RALGAPA1: variants seen among roughly 807,000 people sequenced by gnomAD.
RALGAPA1 encodes ral GTPase-activating protein subunit alpha-1.
RALGAPA1 carries 52 observed loss-of-function variants against 269.6 expected under a neutral mutation model. The observed-to-expected ratio is 0.19, with a 90% CI of 0.15 to 0.24. RALGAPA1 has a LOEUF of 0.24. RALGAPA1 is among the 10% of genes least tolerant of loss of function. The pLI is 1.00. For missense variants in RALGAPA1, 1,917 were observed against 3,013.9 expected (o/e 0.64, Z 8.52); for synonymous variants, 817 against 1,008.3 (o/e 0.81, Z 3.60).
chr14:35,795,137 GA>G (rs558786907), intron 1 of RALGAPA1, among the ~76,000 whole-genome samples: 193 of 152,224 alleles, frequency 1.3e-3, no homozygotes, highest in Non-Finnish European at 2.3e-3. Flanking sequence ...AGTGATTTCT[GA>G]AAGATGGCAA....
intron 1 of RALGAPA1, among the ~76,000 whole-genome samples, chr14:35,777,397 C>T (rs2075118583): frequency 6.6e-6 from 1 of 152,092 alleles, no homozygotes; most frequent in African/African-American, 2.4e-5. Flanking sequence ...GGCAGCGTTA[C>T]CTCTAGGGAG....
chr14:35,745,186 G>A (rs2071934317), intron 10 of RALGAPA1, among the ~76,000 whole-genome samples: 1 of 152,094 alleles, frequency 6.6e-6, no homozygotes, highest in Admixed American at 6.6e-5. Flanking sequence ...AGAACTAACT[G>A]TCAAAGAAAT....
intron 35 of RALGAPA1, among the ~76,000 whole-genome samples, chr14:35,617,463 C>G (rs925731246): frequency 6.6e-6 from 1 of 151,860 alleles, no homozygotes; most frequent in African/African-American, 2.4e-5. Context: ...ACTAAAAATA[C>G]AAAAATTAGC....
intron 36 of RALGAPA1, among the ~76,000 whole-genome samples, chr14:35,596,809 A>G (rs1458901636): frequency 1.3e-5 from 2 of 152,182 alleles, no homozygotes; most frequent in Non-Finnish European, 2.9e-5. Context: ...ACCTTCTCAG[A>G]AAGCAATTTA....
At chr14:35,593,669 G>A (rs2058764549) in intron 37 of RALGAPA1, among the ~76,000 whole-genome samples, 1 of 151,898 alleles carries the variant, frequency 6.6e-6, no homozygotes, top group African/African-American at 2.4e-5. Flanking sequence ...GACCAGCCTG[G>A]GAAACATGGC....
At chr14:35,573,112 A>G (rs1380665032) in intron 37 of RALGAPA1, among the ~76,000 whole-genome samples, 1 of 152,176 alleles carries the variant, frequency 6.6e-6, no homozygotes, top group African/African-American at 2.4e-5. Context: ...TAACGAATTT[A>G]TTTCCAGGTT....
intron 36 of RALGAPA1, among the ~76,000 whole-genome samples, chr14:35,601,756 G>A (rs986873516): frequency 1.3e-5 from 2 of 152,132 alleles, no homozygotes; most frequent in African/African-American, 4.8e-5. Context: ...GTCTTCTTAT[G>A]CTTGTTTTAT....
intron 1 of RALGAPA1, among the ~76,000 whole-genome samples, chr14:35,799,987 G>A (rs895860579): frequency 2.0e-5 from 3 of 152,122 alleles, no homozygotes; most frequent in Non-Finnish European, 4.4e-5. Flanking sequence ...ACTATTACCA[G>A]GGAGAAAGAT....
chr14:35,592,290 A>C (rs1468221301), intron 37 of RALGAPA1, among the ~76,000 whole-genome samples: 1 of 152,198 alleles, frequency 6.6e-6, no homozygotes, highest in African/African-American at 2.4e-5. Flanking sequence ...TTTCTAGAAT[A>C]AAACAGCCTA....
intron 31 of RALGAPA1, among the ~76,000 whole-genome samples, chr14:35,641,824 A>C (rs991845971): frequency 2.6e-5 from 4 of 152,200 alleles, no homozygotes; most frequent in Non-Finnish European, 5.9e-5. Flanking sequence ...AAACTGGAAG[A>C]ATCACATTAT....
rs566267364 is a variant in RALGAPA1 at position 35,724,647 on chromosome 14, C to A, written c.1866+377G>T. Among the ~76,000 whole-genome samples the A allele has an allele frequency of 3.3e-5, 5 of 152,216 alleles. No homozygotes were observed. In the East Asian group the frequency reaches 9.6e-4, roughly 29 times the overall value. The stretch of plus-strand genomic sequence containing the variant: ...AACATAAAAAGACAGTTTTTCCTAG[C>A]AGTCCCAGAGATACGGAAACTCATA... On this transcript the variant is annotated intron_variant, in intron 14 of 41. Transcript: ENST00000680220.
intron 31 of RALGAPA1, among the ~76,000 whole-genome samples, chr14:35,637,056 A>C (rs749522325): frequency 6.6e-6 from 1 of 152,180 alleles, no homozygotes; most frequent in African/African-American, 2.4e-5. Flanking sequence ...GAGTAAAAAG[A>C]AAGGATGTAG....
intron 39 of RALGAPA1, among the ~76,000 whole-genome samples, chr14:35,566,420 T>C (rs2056710147): frequency 6.6e-6 from 1 of 152,062 alleles, no homozygotes; most frequent in Non-Finnish European, 1.5e-5. Context: ...CAATTTATGC[T>C]TTGGAATCTT....
At chr14:35,595,137 G>A (rs2058854626) in intron 37 of RALGAPA1, among the ~76,000 whole-genome samples, 1 of 151,708 alleles carries the variant, frequency 6.6e-6, no homozygotes, top group South Asian at 2.1e-4. Context: ...ATAACACAGT[G>A]GTTACCAGGG....
intron 26 of RALGAPA1, among the ~76,000 whole-genome samples, chr14:35,667,788 A>C (rs2064071921): frequency 6.6e-6 from 1 of 152,252 alleles, no homozygotes. Flanking sequence ...CATATGATCC[A>C]GCAATTCCAC....
Position 35,688,744 on chromosome 14 carries a change from C to CTGATGCAGTACCAAGTGTATCTAGAGG in RALGAPA1, c.3640_3666dup (p.Pro1214_Ser1222dup). On this transcript the variant is annotated inframe_insertion, in exon 18 of 42. Coordinates refer to ENST00000680220, the MANE Select transcript of RALGAPA1 (RefSeq NM_001346249.2). Reference sequence around the variant, plus strand: ...GATTCCTTCACTGTTTTGCTGCTTACTGATGCAGTACCAAGTGTATCTAGA... The same window carrying CTGATGCAGTACCAAGTGTATCTAGAGG: ...GATTCCTTCACTGTTTTGCTGCTTACTGATGCAGTACCAAGTGTATCTAGAGGTGATGCAGTACCAAGTGTATCTAGA... 6.8e-7 allele frequency: 1 copy of CTGATGCAGTACCAAGTGTATCTAGAGG among 1,464,262 alleles called. No homozygotes were observed. The highest frequency in any genetic ancestry group is 9.0e-7 in the Non-Finnish European group (1 of 1,114,802). The allele number at this position is 1,464,262 out of a possible 1,614,324, so 90.7% of individuals were successfully genotyped here.
chr14:35,592,981 T>C (rs2058725540), intron 37 of RALGAPA1, among the ~76,000 whole-genome samples: 1 of 152,118 alleles, frequency 6.6e-6, no homozygotes, highest in Non-Finnish European at 1.5e-5. Context: ...CTATTCAAGA[T>C]AGTACTGGAA....
At chr14:35,571,721 C>A (rs1467491700) in intron 38 of RALGAPA1, among the ~76,000 whole-genome samples, 1 of 152,010 alleles carries the variant, frequency 6.6e-6, no homozygotes, top group Non-Finnish European at 1.5e-5. Context: ...CCACCACCAC[C>A]ACCACCAACA....
At chr14:35,549,915 C>T (rs1485712204) in intron 39 of RALGAPA1, among the ~76,000 whole-genome samples, 3 of 152,118 alleles carry the variant, frequency 2.0e-5, no homozygotes, top group Non-Finnish European at 2.9e-5. Context: ...GCAAAGAGTC[C>T]ACAGGACTCC....
Sources: gnomAD v4.1 joint callset for allele counts (sites outside exome capture counted in the v4.1 genomes callset) on GRCh38, gnomAD v4.1.1 for gene constraint, MANE v1.5 for transcripts, NCBI Gene and HGNC (gene_info 2026-07-23, HGNC 2026-07-21) for gene names.